Variants in MAGI2 observed in about 807,000 individuals in gnomAD.
MAGI2 encodes the protein membrane associated guanylate kinase, WW and PDZ domain containing 2, also known as membrane-associated guanylate kinase, WW and PDZ domain-containing protein 2.
In MAGI2, 35 loss-of-function variants were observed where a neutral mutation model predicts 133.3. The ratio of observed to expected loss-of-function variants is 0.26; its 90% CI spans 0.20 to 0.35. The LOEUF (loss-of-function observed/expected upper bound fraction) is 0.35. Ranked by LOEUF, MAGI2 falls within the 10% of genes least tolerant of loss-of-function variation. MAGI2 has a pLI of 1.00. For missense variants in MAGI2, 1,636 were observed against 1,863.4 expected (o/e 0.88, Z 2.25); for synonymous variants, 729 against 710.6 (o/e 1.03, Z -0.41).
chr7:78,069,182 T>C (rs1045100844), intron 21 of MAGI2, among the ~76,000 whole-genome samples: 1 of 152,096 alleles, frequency 6.6e-6, no homozygotes, highest in Non-Finnish European at 1.5e-5. Context: ...GGGCAAAGGC[T>C]GAAGGGGTGG....
intron 6 of MAGI2, among the ~76,000 whole-genome samples, chr7:78,465,143 C>A (rs547157949): frequency 6.6e-6 from 1 of 152,072 alleles, no homozygotes; most frequent in Non-Finnish European, 1.5e-5. Context: ...GTGTCCTCAG[C>A]GTTAATTCAT....
chr7:78,306,365 A>T (rs1798246095), intron 9 of MAGI2, among the ~76,000 whole-genome samples: 2 of 152,190 alleles, frequency 1.3e-5, no homozygotes, highest in Non-Finnish European at 2.9e-5. Context: ...GTGGCATCTA[A>T]AATAACAGCA....
At chr7:78,891,014 A>C (rs1341812936) in intron 2 of MAGI2, among the ~76,000 whole-genome samples, 1 of 152,188 alleles carries the variant, frequency 6.6e-6, no homozygotes, top group African/African-American at 2.4e-5. Context: ...GAGAAGAATC[A>C]AATAGATGCA....
intron 3 of MAGI2, among the ~76,000 whole-genome samples, chr7:78,564,115 G>T (rs1425278290): frequency 1.3e-5 from 2 of 152,172 alleles, no homozygotes; most frequent in Admixed American, 6.5e-5. Context: ...AACCAAATAT[G>T]CTGTACCACG....
chr7:79,147,682 C>T (rs372972668), intron 1 of MAGI2, among the ~76,000 whole-genome samples: 3 of 152,224 alleles, frequency 2.0e-5, no homozygotes, highest in Admixed American at 6.5e-5. Flanking sequence ...CCTCACTTCA[C>T]ATCTTCTCTC....
intron 6 of MAGI2, among the ~76,000 whole-genome samples, chr7:78,384,758 T>C (rs1191999632): frequency 6.6e-6 from 1 of 152,198 alleles, no homozygotes; most frequent in African/African-American, 2.4e-5. Context: ...TTTATTATAT[T>C]AGACAAACTG....
At chr7:79,214,407 C>CTCTCTATA (rs1554406633) in intron 1 of MAGI2, among the ~76,000 whole-genome samples, 17 of 17,720 alleles carry the variant, frequency 9.6e-4, no homozygotes, top group African/African-American at 1.4e-3. Context: ...CTCTCTCTCT[C>CTCTCTATA]TATATATATA....
chr7:78,682,507 A>T (rs1011601963), intron 2 of MAGI2, among the ~76,000 whole-genome samples: 2 of 152,068 alleles, frequency 1.3e-5, no homozygotes, highest in Non-Finnish European at 2.9e-5. Flanking sequence ...GCTGAGAATT[A>T]TGGTTTCCAG....
intron 1 of MAGI2, among the ~76,000 whole-genome samples, chr7:79,310,964 AC>A: frequency 6.6e-6 from 1 of 151,338 alleles, no homozygotes; most frequent in East Asian, 1.9e-4. Context: ...ACACACACAC[AC>A]ACCCCTCTCC....
At chr7:79,383,364 G>C (rs547790671) in intron 1 of MAGI2, among the ~76,000 whole-genome samples, 1 of 151,544 alleles carries the variant, frequency 6.6e-6, no homozygotes, top group South Asian at 2.1e-4. Context: ...GACATGGCTA[G>C]TAAAAACATT....
At chr7:78,078,812 G>GTATA (rs34931672) in intron 21 of MAGI2, 135 bp downstream of exon 21, 1 of 589,070 alleles carries the variant, frequency 1.7e-6, no homozygotes, top group Admixed American at 2.8e-5. Context: ...GTGTGTGTGT[G>GTATA]TATATATATA....
chr7:79,095,027 C>T (rs550998625), intron 1 of MAGI2, among the ~76,000 whole-genome samples: 1 of 152,294 alleles, frequency 6.6e-6, no homozygotes, highest in South Asian at 2.1e-4. Context: ...TGAAGCCAGG[C>T]ATTGAATTCC....
chr7:78,238,332 C>T (rs942888828), intron 10 of MAGI2, among the ~76,000 whole-genome samples: 2 of 152,094 alleles, frequency 1.3e-5, no homozygotes, highest in Admixed American at 6.6e-5. Flanking sequence ...CCCATCCTGT[C>T]TCCTGTGACC....
intron 2 of MAGI2, among the ~76,000 whole-genome samples, chr7:78,649,766 A>G (rs1811347100): frequency 6.6e-6 from 1 of 152,148 alleles, no homozygotes; most frequent in African/African-American, 2.4e-5. Flanking sequence ...ATTGGTATGC[A>G]GCCAAGTGGT....
intron 2 of MAGI2, among the ~76,000 whole-genome samples, chr7:78,804,762 A>AAAAC: frequency 7.0e-6 from 1 of 142,206 alleles, no homozygotes; most frequent in African/African-American, 2.6e-5. Context: ...AAAAAAAAAA[A>AAAAC]AAAAAAAAAA....
chr7:78,984,466 T>G (rs1179231525), intron 2 of MAGI2, among the ~76,000 whole-genome samples: 1 of 151,772 alleles, frequency 6.6e-6, no homozygotes, highest in Non-Finnish European at 1.5e-5. Flanking sequence ...TCCCCTTCCT[T>G]CCCATTAATT....
chr7:78,746,203 T>C (rs1030575680), intron 2 of MAGI2, among the ~76,000 whole-genome samples: 1 of 152,200 alleles, frequency 6.6e-6, no homozygotes, highest in Admixed American at 6.5e-5. Flanking sequence ...AAGAGCAATT[T>C]TGTAGACTGT....
At chr7:79,319,523 A>T (rs567810199) in intron 1 of MAGI2, among the ~76,000 whole-genome samples, 2 of 152,224 alleles carry the variant, frequency 1.3e-5, no homozygotes, top group Non-Finnish European at 2.9e-5. Flanking sequence ...GAAATTCTTA[A>T]AAGGGAGTAG....
At chr7:78,232,479 G>T (rs548623619) in intron 10 of MAGI2, among the ~76,000 whole-genome samples, 1 of 152,160 alleles carries the variant, frequency 6.6e-6, no homozygotes, top group African/African-American at 2.4e-5. Context: ...GATAATTGTC[G>T]TATGGACTCT....
Sources: gnomAD v4.1 joint callset for allele counts (sites outside exome capture counted in the v4.1 genomes callset) on GRCh38, gnomAD v4.1.1 for gene constraint, MANE v1.5 for transcripts, NCBI Gene and HGNC (gene_info 2026-07-23, HGNC 2026-07-21) for gene names.